The following PAX8 variants were observed in gnomAD, a reference collection of about 807,000 sequenced individuals.
PAX8 encodes paired box protein Pax-8.
A neutral mutation model predicts 52.4 loss-of-function variants in PAX8; 15 were observed. That is an observed-to-expected ratio of 0.29 (90% CI 0.19 to 0.44). The LOEUF (loss-of-function observed/expected upper bound fraction) is 0.44. Among genes scored for constraint, PAX8 ranks in the 20% least tolerant of loss-of-function variants. PAX8 has a pLI of 1.00. For synonymous variants in PAX8, 284 were observed against 249.7 expected (o/e 1.14, Z -1.29); for missense variants, 554 against 602.5 (o/e 0.92, Z 0.84).
chr2:113,235,353 C>T (rs370787030), intron 9 of PAX8, 41 bp downstream of exon 9: 3 of 1,521,574 alleles, frequency 2.0e-6, no homozygotes, highest in Non-Finnish European at 2.7e-6. Flanking sequence ...CCGTCCCACC[C>T]GCCGCCATAG....
chr2:113,258,429 C>G (rs1022923165), intron 2 of PAX8, among the ~76,000 whole-genome samples: 1 of 152,136 alleles, frequency 6.6e-6, no homozygotes, highest in African/African-American at 2.4e-5. Flanking sequence ...AGCTCTCTGT[C>G]CCAGTCCTTT....
chr2:113,227,265 A>G lies in PAX8; in HGVS notation c.1088-9T>C. 1 of 1,603,948 alleles carries G rather than the reference A, an allele frequency of 6.2e-7. No homozygotes were observed. The highest frequency in any genetic ancestry group is 8.5e-7 in the Non-Finnish European group (1 of 1,175,524). On this transcript the variant is annotated splice_polypyrimidine_tract_variant and intron_variant, in intron 9 of 11. Transcript: ENST00000429538. ...CCCCACCATCTCTCGCCCTGGAAAA[A>G]TACAGCAAAGAGTCGTCAGTTGGAC...
At chr2:113,220,865 C>T (rs1311249308) in intron 10 of PAX8, among the ~76,000 whole-genome samples, 2 of 152,154 alleles carry the variant, frequency 1.3e-5, no homozygotes, top group African/African-American at 2.4e-5. Context: ...GCAAACTCAA[C>T]GTATAAATTT....
At chr2:113,235,774 C>T in intron 8 of PAX8, 192 bp from the exon 9 acceptor site, 2 of 569,456 alleles carry the variant, frequency 3.5e-6, no homozygotes, top group Non-Finnish European at 6.2e-6. Flanking sequence ...GCTAGACCTC[C>T]CTGCTGCGCT....
intron 2 of PAX8, among the ~76,000 whole-genome samples, chr2:113,257,670 C>T (rs759540834): frequency 6.6e-6 from 1 of 152,036 alleles, no homozygotes; most frequent in Non-Finnish European, 1.5e-5. Flanking sequence ...AAACTAGGCT[C>T]GTATTTCACC....
intron 10 of PAX8, among the ~76,000 whole-genome samples, chr2:113,221,996 C>T (rs1018742069): frequency 1.3e-5 from 2 of 152,184 alleles, no homozygotes; most frequent in South Asian, 2.1e-4. Context: ...ATAATCTAAT[C>T]GAAACATCTA....
Position 113,241,675 on chromosome 2 carries a change from C to A in PAX8, c.653G>T (p.Gly218Val). ...LSIDSQSSSS[G>V]PRKHLRTDAF... is the part of the protein sequence containing the mutation. Reference sequence around the variant, plus strand: ...ATCCGTGCGAAGGTGCTTTCGGGGTCCGCTGCTGCTGCTCTGTGAGTCAAT... The same window carrying A: ...ATCCGTGCGAAGGTGCTTTCGGGGTACGCTGCTGCTGCTCTGTGAGTCAAT... The change falls in exon 7 of 12, where the codon GGA becomes GTA. Residue 218 changes from glycine to valine, a missense_variant. By Grantham distance (109) the Gly-to-Val change is moderately radical. Transcript: ENST00000429538. The A allele has an allele frequency of 1.9e-6, 3 of 1,614,144 alleles. No individual in the cohort carries two copies. The highest frequency in any genetic ancestry group is 2.5e-6 in the Non-Finnish European group (3 of 1,180,018).
At chr2:113,226,334 C>G in intron 10 of PAX8, 7 of 985,528 alleles carry the variant, frequency 7.1e-6, no homozygotes, top group Non-Finnish European at 8.4e-6. Flanking sequence ...GGTCCCAGGC[C>G]TTTTTGACCA....
At chr2:113,255,234 AGGAGGGAG>A (rs1692141016) in intron 2 of PAX8, among the ~76,000 whole-genome samples, 5 of 40,424 alleles carry the variant, frequency 1.2e-4, no homozygotes, top group Non-Finnish European at 2.3e-4. Flanking sequence ...GAGGGAGGGG[AGGAGGGAG>A]GGGAGGAGGG....
At chr2:113,244,733 A>G in intron 3 of PAX8, 109 bp from the exon 4 acceptor site, 1 of 1,000,284 alleles carries the variant, frequency 1.0e-6, no homozygotes, top group Non-Finnish European at 1.6e-6. Context: ...TAGGGGTATG[A>G]GAGTGAAATG....
rs1404623708 is a variant in PAX8, at chr2:113,278,073, G to A, written c.25+297C>T. Among the ~76,000 whole-genome samples, 10 of 152,350 alleles carry A rather than the reference G, an allele frequency of 6.6e-5. No individual in the cohort carries two copies. In the East Asian group the frequency reaches 1.7e-3, roughly 26 times the overall value. Reference sequence around the variant, plus strand: ...ATGTCCACACTAATGCGCCATGCAAGGCTGGGAATGGAGCTCAAAGGAAAC... The same window carrying A: ...ATGTCCACACTAATGCGCCATGCAAAGCTGGGAATGGAGCTCAAAGGAAAC... On this transcript the variant is annotated intron_variant, in intron 2 of 11. Coordinates refer to ENST00000429538, the MANE Select transcript of PAX8 (RefSeq NM_003466.4).
intron 8 of PAX8, 177 bp from the exon 9 acceptor site, chr2:113,235,759 G>A: frequency 3.4e-6 from 2 of 586,782 alleles, no homozygotes; most frequent in Non-Finnish European, 6.0e-6. Flanking sequence ...GGCGGGGAGA[G>A]AGAAGCTAGA....
rs1006642786 is a variant in PAX8, at chr2:113,242,724, C to A, written c.444G>T (p.Val148=). The A allele has an allele frequency of 1.2e-6, 2 of 1,613,802 alleles. No homozygotes were observed. The highest frequency in any genetic ancestry group is 8.5e-7 in the Non-Finnish European group (1 of 1,179,908). ...QPFNLPMDSC[V]ATKSLSPGHT... ...GTCCGGGACTCAGGGACTTGGTGGCCACGCAGCTGTCCATAGGGAGGTTGA... is the reference window on the plus strand; with the variant it reads ...GTCCGGGACTCAGGGACTTGGTGGCAACGCAGCTGTCCATAGGGAGGTTGA... The change falls in exon 5 of 12, where the codon GTG becomes GTT. Residue 148 remains valine, a synonymous_variant. Coordinates refer to ENST00000429538, the MANE Select transcript of PAX8 (RefSeq NM_003466.4).
intron 2 of PAX8, among the ~76,000 whole-genome samples, chr2:113,264,565 G>A (rs187161359): frequency 6.6e-6 from 1 of 152,318 alleles, no homozygotes; most frequent in Admixed American, 6.5e-5. Flanking sequence ...CATTTGTAGA[G>A]TCCTCACTCC....
rs770128061 is a variant in PAX8, at chr2:113,242,673, G to A, written c.478+17C>T. On this transcript the variant is annotated intron_variant, in intron 5 of 11. Transcript: ENST00000429538. Reference sequence around the variant, plus strand: ...GTACACGAGCATGTGTGTGTATCCAGGTCTCTCAGCACTCACTCAGCGTGT... The same window carrying A: ...GTACACGAGCATGTGTGTGTATCCAAGTCTCTCAGCACTCACTCAGCGTGT... 1.3e-6 allele frequency: 2 copies of A among 1,573,208 alleles called. No individual in the cohort carries two copies. The highest frequency in any genetic ancestry group is 1.7e-5 in the Admixed American group (1 of 59,956).
intron 2 of PAX8, chr2:113,272,623 A>T (rs1693536142): frequency 6.6e-6 from 1 of 152,192 alleles, no homozygotes; most frequent in Non-Finnish European, 1.5e-5. Flanking sequence ...AGGAGCCAAG[A>T]GACTCCTGGA....
In PAX8 at chr2:113,278,398, C is replaced by G. The variant is rs772247370; in HGVS notation, c.-4G>C. On this transcript the variant is annotated 5_prime_UTR_variant, in exon 2 of 12. Transcript: ENST00000429538. Reference sequence around the variant, plus strand: ...ATCTGATGGAGTTGTGAGGCATCGCCGGGGAGTCGCTCGCAGCCCGCCGAG... The same window carrying G: ...ATCTGATGGAGTTGTGAGGCATCGCGGGGGAGTCGCTCGCAGCCCGCCGAG... The G allele has an allele frequency of 7.5e-6, 12 of 1,610,726 alleles. No homozygotes were observed. The East Asian group carries it at 2.7e-4, about 36-fold the overall frequency.
chr2:113,249,087 G>A (rs901069944), intron 2 of PAX8, among the ~76,000 whole-genome samples: 4 of 152,262 alleles, frequency 2.6e-5, no homozygotes, highest in African/African-American at 9.6e-5. Flanking sequence ...TCTTCCTGGT[G>A]GACACAACGG....
chr2:113,262,770 G>A (rs1692779944), intron 2 of PAX8, among the ~76,000 whole-genome samples: 1 of 152,194 alleles, frequency 6.6e-6, no homozygotes, highest in African/African-American at 2.4e-5. Flanking sequence ...GCCAAGGAAT[G>A]CCAAAGACTT....
Sources: allele counts gnomAD v4.1 joint callset (sites outside exome capture counted in the v4.1 genomes callset), GRCh38; gene constraint gnomAD v4.1.1; transcripts MANE v1.5; gene names NCBI Gene and HGNC (gene_info 2026-07-23, HGNC 2026-07-21).